The following STAR variants were observed in gnomAD, a reference collection of about 807,000 sequenced individuals.
STAR encodes the protein steroidogenic acute regulatory protein, mitochondrial.
In STAR, 32 loss-of-function variants were observed where a neutral mutation model predicts 32.3. The ratio of observed to expected loss-of-function variants is 0.99; its 90% CI spans 0.75 to 1.33. STAR has a LOEUF of 1.33. Ranked by LOEUF, STAR falls within the 40% of genes most tolerant of loss-of-function variation. The probability of loss-of-function intolerance (pLI) is 0.00; values close to 1 mark genes in which losing one functional copy is unlikely to be tolerated. For synonymous variants in STAR, 134 were observed against 140.5 expected (o/e 0.95, Z 0.33); for missense variants, 375 against 379.0 (o/e 0.99, Z 0.09).
chr8:38,145,129 G>A (rs1802543841), intron 6 of STAR, 93 bp downstream of exon 6: 3 of 1,580,660 alleles, frequency 1.9e-6, no homozygotes, highest in Non-Finnish European at 2.6e-6. Context: ...TATCAGAATA[G>A]AAGAGGATTC....
intron 5 of STAR, 153 bp from the exon 6 acceptor site, chr8:38,145,468 G>A: frequency 9.6e-7 from 1 of 1,045,160 alleles, no homozygotes; most frequent in African/African-American, 1.6e-5. Context: ...TAATTATTTG[G>A]CAGTTGGCAC....
rs541131471 is a variant in STAR, at chr8:38,146,206, C to T, written c.466-59G>A. The T allele has an allele frequency of 5.0e-5, 80 of 1,613,222 alleles. 1 individual carries two copies. Among genetic ancestry groups the T allele is most frequent in the African/African-American group, 9.3e-5 (7 of 74,936 alleles). ...AGCCTGTGTTGGGCTAAGCACCCCC[C>T]ACAGCTAGGGGTCCTCTCTTTGATA... is the stretch of plus-strand genomic sequence containing the variant. On this transcript the variant is annotated intron_variant, in intron 4 of 6. Transcript: ENST00000276449.
Position 38,150,868 on chromosome 8 carries a change from C to T in STAR, c.-50G>A, listed in dbSNP as rs1429212240. On this transcript the variant is annotated 5_prime_UTR_variant, in exon 1 of 7. Coordinates refer to ENST00000276449, the MANE Select transcript of STAR (RefSeq NM_000349.3). ...GTGGGGTCGCTGCCGCTGCTGCTGC[C>T]GCCGCTGCTGCTGCCTCTTCTCTCA... The T allele has an allele frequency of 3.7e-6, 6 of 1,600,692 alleles. 1 individual carries two copies. The highest frequency in any genetic ancestry group is 3.3e-4 in the Middle Eastern group (2 of 6,012).
chr8:38,150,697 G>T, intron 1 of STAR, 58 bp downstream of exon 1: 1 of 1,602,068 alleles, frequency 6.2e-7, no homozygotes, highest in South Asian at 1.1e-5. Context: ...TGGGTGGCCT[G>T]AGCCTCATCC....
At chr8:38,148,103 G>A (rs1001387551) in intron 3 of STAR, 97 bp downstream of exon 3, 4 of 1,546,228 alleles carry the variant, frequency 2.6e-6, no homozygotes, top group Non-Finnish European at 3.5e-6. Flanking sequence ...AGTGACTGCT[G>A]CATGAGACAG....
chr8:38,144,302 A>T lies in STAR; in HGVS notation c.829T>A (p.Ser277Thr), dbSNP rs200858323. 2 of 1,609,918 alleles carry T rather than the reference A, an allele frequency of 1.2e-6. No individual in the cohort carries two copies. Among genetic ancestry groups the T allele is most frequent in the East Asian group, 4.5e-5 (2 of 44,730 alleles). ...CACCTGGCTTCAGAGGCAGGGTGGG[A>T]CTCCAGGCGCTTGCGCAGGTGGTTG... Reference protein sequence around the residue: ...FANHLRKRLESHPASEARC With the variant: ...FANHLRKRLETHPASEARC The change falls in exon 7 of 7, where the codon TCC becomes ACC. Residue 277 changes from serine to threonine, a missense_variant. Coordinates refer to ENST00000276449, the MANE Select transcript of STAR (RefSeq NM_000349.3).
In STAR at chr8:38,146,044, G is replaced by A. The variant is rs1458465049; in HGVS notation, c.569C>T (p.Ala190Val). ...CACACAGGTGGAGCCTCGGCGCTTG[G>A]CACAGCGCACGCTCACAAAGTCACG... is the stretch of plus-strand genomic sequence containing the variant. ...GPRDFVSVRC[A>V]KRRGSTCVLA... Residue 190 changes from alanine (A) to valine (V), a missense_variant, in exon 5 of 7, where the codon GCC (alanine) becomes GTC (valine). Transcript: ENST00000276449. The A allele has an allele frequency of 2.5e-6, 4 of 1,614,230 alleles. No homozygotes were observed. Among genetic ancestry groups the A allele is most frequent in the South Asian group, 2.2e-5 (2 of 91,088 alleles).
chr8:38,149,514 T>A (rs1802632874), intron 1 of STAR, among the ~76,000 whole-genome samples: 2 of 152,186 alleles, frequency 1.3e-5, no homozygotes, highest in Non-Finnish European at 2.9e-5. Flanking sequence ...TTCCGTCTTA[T>A]CTCTTTACCT....
At chr8:38,148,080 C>A in intron 3 of STAR, 120 bp downstream of exon 3, 1 of 1,386,380 alleles carries the variant, frequency 7.2e-7, no homozygotes, top group Non-Finnish European at 1.0e-6. Context: ...CAAGATAAAA[C>A]CACTTGCTAC....
rs778377285 is a variant in STAR at position 38,144,360 on chromosome 8, G to C, written c.771C>G (p.Asn257Lys). 2 of 1,605,586 alleles carry C rather than the reference G, an allele frequency of 1.2e-6. No homozygotes were observed. Among genetic ancestry groups the C allele is most frequent in the Admixed American group, 3.4e-5 (2 of 58,840 alleles). Reference protein sequence around the residue: ...LKGWLPKSIINQVLSQTQVDF... With the variant: ...LKGWLPKSIIKQVLSQTQVDF... The stretch of plus-strand genomic sequence containing the variant: ...CCACCTGGGTCTGGGACAGGACCTG[G>C]TTGATGATGCTCTTGGGCAGCCACC... Residue 257 changes from asparagine to lysine, a missense_variant, in exon 7 of 7, where the codon AAC (asparagine) becomes AAG (lysine). Physicochemically the swap from Asn to Lys is moderately conservative, Grantham distance 94 (BLOSUM62 0). Transcript: ENST00000276449.
chr8:38,143,462 A>G lies in STAR; in HGVS notation c.*811T>C, dbSNP rs1408656392. Among the ~76,000 whole-genome samples the G allele has an allele frequency of 6.6e-6, 1 of 152,082 alleles. No homozygotes were observed. Among genetic ancestry groups the G allele is most frequent in the African/African-American group, 2.4e-5 (1 of 41,402 alleles). On this transcript the variant is annotated 3_prime_UTR_variant, in exon 7 of 7. Coordinates refer to ENST00000276449, the MANE Select transcript of STAR (RefSeq NM_000349.3). ...GCTACGACTACAGGTTTGCGCCACC[A>G]CACCCAGCTAATTTTTTGTATTTTA...
intron 1 of STAR, chr8:38,149,001 C>T: frequency 1.9e-6 from 1 of 529,120 alleles, no homozygotes; most frequent in Non-Finnish European, 3.4e-6. Context: ...TGGAGATGGG[C>T]TATACCAGAG....
chr8:38,145,154 G>T, intron 6 of STAR, 68 bp downstream of exon 6: 1 of 1,610,732 alleles, frequency 6.2e-7, no homozygotes, highest in Non-Finnish European at 8.5e-7. Context: ...TGCAGCATGG[G>T]GGGAATGGGA....
chr8:38,148,347 G>C lies in STAR; in HGVS notation c.179-20C>G. On this transcript the variant is annotated intron_variant, in intron 2 of 6. Transcript: ENST00000276449. Reference sequence around the variant, plus strand: ...GAGAACCTGGATACACAGCCGAGGAGAGACAGAGCTTCCTTCTTCTCCCAG... The same window carrying C: ...GAGAACCTGGATACACAGCCGAGGACAGACAGAGCTTCCTTCTTCTCCCAG... 6.2e-7 allele frequency: 1 copy of C among 1,613,714 alleles called. No individual in the cohort carries two copies.
chr8:38,148,719 C>T lies in STAR; in HGVS notation c.100G>A (p.Glu34Lys), dbSNP rs1396669652. 4 of 1,613,860 alleles carry T rather than the reference C, an allele frequency of 2.5e-6. No individual in the cohort carries two copies. The highest frequency in any genetic ancestry group is 2.2e-5 in the South Asian group (2 of 91,086). Residue 34 changes from glutamate (E) to lysine (K), a missense_variant, in exon 2 of 7, where the codon GAG (glutamate) becomes AAG (lysine). Physicochemically the swap from Glu to Lys is moderately conservative, Grantham distance 56. Coordinates refer to ENST00000276449, the MANE Select transcript of STAR (RefSeq NM_000349.3). ...RQQAVMAISQELNRRALGGPT... is the reference protein window; with the variant it reads ...RQQAVMAISQKLNRRALGGPT... ...CCCCCCAGGGCCCTCCGGTTCAGCT[C>T]CTGGCTGATGGCCATCACAGCCTGT...
In STAR at chr8:38,143,032, GCCTTT is replaced by G. The variant is rs1802493746; in HGVS notation, c.*1236_*1240del. Among the ~76,000 whole-genome samples the G allele has an allele frequency of 6.6e-6, 1 of 152,136 alleles. No homozygotes were observed. The highest frequency in any genetic ancestry group is 2.1e-4 in the South Asian group (1 of 4,832). On this transcript the variant is annotated 3_prime_UTR_variant, in exon 7 of 7. Coordinates refer to ENST00000276449, the MANE Select transcript of STAR (RefSeq NM_000349.3). ...TGTTTATCCTCTCATATTTGGCACT[GCCTTT>G]CCTTTTAATTAGGTAAATAAACAGT...
In STAR at chr8:38,150,801, G is replaced by A. The variant is rs1012931648; in HGVS notation, c.18C>T (p.Phe6=). 1 of 1,606,474 alleles carries A rather than the reference G, an allele frequency of 6.2e-7. No individual in the cohort carries two copies. The highest frequency in any genetic ancestry group is 1.3e-5 in the African/African-American group (1 of 74,922). MLLAT[F]KLCAGSSYRH... ...TGTAGGAGCTCCCAGCGCACAGCTT[G>A]AATGTCGCTAGCAGCATTGTTTCCT... The change falls in exon 1 of 7, where the codon TTC becomes TTT. Residue 6 remains phenylalanine, a synonymous_variant. Transcript: ENST00000276449.
At chr8:38,145,451 C>T in intron 5 of STAR, 136 bp from the exon 6 acceptor site, 1 of 1,224,194 alleles carries the variant, frequency 8.2e-7, no homozygotes, top group Non-Finnish European at 1.2e-6. Context: ...GTGCCCTTTG[C>T]AAAGGGTAAT....
chr8:38,144,632 G>T, intron 6 of STAR: 2 of 1,325,950 alleles, frequency 1.5e-6, no homozygotes, highest in Non-Finnish European at 1.9e-6. Context: ...CCCTGAACCA[G>T]TTATGTTGCC....
Sources: gnomAD v4.1 joint callset for allele counts (sites outside exome capture counted in the v4.1 genomes callset) on GRCh38, gnomAD v4.1.1 for gene constraint, MANE v1.5 for transcripts, NCBI Gene and HGNC (gene_info 2026-07-23, HGNC 2026-07-21) for gene names.